C6orf89: variants seen among roughly 807,000 people sequenced by gnomAD.
C6orf89 encodes chromosome 6 open reading frame 89.
In C6orf89, 29 loss-of-function variants were observed where a neutral mutation model predicts 40.7. That is an observed-to-expected ratio of 0.71 (90% CI 0.53 to 0.97). The LOEUF is 0.97. Among genes scored for constraint, C6orf89 ranks in the 50% least tolerant of loss-of-function variants. The pLI is 0.00. For synonymous variants in C6orf89, 165 were observed against 152.2 expected (o/e 1.08, Z -0.62); for missense variants, 392 against 429.1 (o/e 0.91, Z 0.76).
intron 4 of C6orf89, among the ~76,000 whole-genome samples, chr6:36,906,816 G>A (rs1761945332): frequency 6.6e-6 from 1 of 152,190 alleles, no homozygotes; most frequent in South Asian, 2.1e-4. Flanking sequence ...AGAGCAGCCT[G>A]ATTAAATATT....
Position 36,923,815 on chromosome 6 carries a change from C to A in C6orf89, c.*374C>A. On this transcript the variant is annotated 3_prime_UTR_variant, in exon 9 of 9. Coordinates refer to ENST00000480824, the MANE Select transcript of C6orf89 (RefSeq NM_001286635.2). ...CCTTCCCTGGCAGTGGAGAGGGCAGCCAACAGGTTCTAATGTCAGAGCCAT... is the reference window on the plus strand; with the variant it reads ...CCTTCCCTGGCAGTGGAGAGGGCAGACAACAGGTTCTAATGTCAGAGCCAT... 1 of 342,754 alleles carries A rather than the reference C, an allele frequency of 2.9e-6. No individual in the cohort carries two copies. The highest frequency in any genetic ancestry group is 5.7e-6 in the Non-Finnish European group (1 of 174,890). The allele number at this position is 342,754 out of a possible 1,614,324, so 21.2% of individuals were successfully genotyped here.
upstream of C6orf89, among the ~76,000 whole-genome samples, chr6:36,885,056 G>A (rs1161516385): frequency 1.3e-5 from 2 of 152,290 alleles, no homozygotes; most frequent in East Asian, 1.9e-4. Context: ...TGACCAAAAC[G>A]GGGGAATTGT....
chr6:36,919,225 C>G (rs1304319711), intron 7 of C6orf89, among the ~76,000 whole-genome samples: 2 of 152,176 alleles, frequency 1.3e-5, no homozygotes, highest in African/African-American at 4.8e-5. Context: ...TTTTCTTTGG[C>G]TTACTTTGAA....
chr6:36,873,728 TAG>T, intron 1 of C6orf89, among the ~76,000 whole-genome samples: 2 of 151,974 alleles, frequency 1.3e-5, no homozygotes, highest in Non-Finnish European at 2.9e-5. Context: ...CATGAGCAAA[TAG>T]AGAGAGGACT....
At position 36,923,787 on chromosome 6, in the gene C6orf89, C is replaced by T. The variant is rs1015090153; in HGVS notation, c.*346C>T. 1 of 354,502 alleles carries T rather than the reference C, an allele frequency of 2.8e-6. No individual in the cohort carries two copies. The highest frequency in any genetic ancestry group is 5.5e-6 in the Non-Finnish European group (1 of 181,122). 22.0% of individuals were successfully genotyped at this position (354,502 alleles called of 1,614,324 possible). A position where few individuals can be genotyped will look rare whatever the true frequency, so the allele number is the denominator to read the frequency against. ...TGCCTTTCTTCACCTGCATGGCCAG[C>T]TTCCTTCCCTGGCAGTGGAGAGGGC... is the stretch of plus-strand genomic sequence containing the variant. On this transcript the variant is annotated 3_prime_UTR_variant, in exon 9 of 9. Coordinates refer to ENST00000480824, the MANE Select transcript of C6orf89 (RefSeq NM_001286635.2).
intron 6 of C6orf89, 35 bp from the exon 7 acceptor site, chr6:36,916,409 GT>G (rs1375648028): frequency 2.5e-6 from 4 of 1,612,396 alleles, no homozygotes; most frequent in Non-Finnish European, 2.5e-6. Flanking sequence ...GGCTTGACCA[GT>G]TTAATTACTT....
chr6:36,891,745 T>C (rs563832719), intron 1 of C6orf89, among the ~76,000 whole-genome samples: 1 of 152,358 alleles, frequency 6.6e-6, no homozygotes, highest in East Asian at 1.9e-4. Flanking sequence ...AAATTTAATT[T>C]ACTCTGGATA....
At chr6:36,874,990 A>G (rs1352114664) in intron 1 of C6orf89, 16 of 521,314 alleles carry the variant, frequency 3.1e-5, no homozygotes, top group Non-Finnish European at 3.7e-5. Context: ...GAAAATGCAA[A>G]CTTCATTCGC....
intron 2 of C6orf89, among the ~76,000 whole-genome samples, chr6:36,880,590 A>G (rs571234853): frequency 3.4e-5 from 4 of 116,138 alleles, no homozygotes; most frequent in African/African-American, 1.2e-4. Flanking sequence ...TTTAAATATT[A>G]TTGATAAAGA....
intron 4 of C6orf89, among the ~76,000 whole-genome samples, chr6:36,909,801 G>T (rs927375464): frequency 1.4e-5 from 2 of 146,440 alleles, no homozygotes; most frequent in Non-Finnish European, 3.0e-5. Flanking sequence ...AAAAAAAAAA[G>T]TTTTTTGTTA....
Position 36,905,130 on chromosome 6 carries a change from G to T in C6orf89, c.403+2696G>T, listed in dbSNP as rs552728419. 5.0e-4 allele frequency among the ~76,000 whole-genome samples: 76 copies of T among 152,196 alleles called. 2 individuals carry two copies. Among genetic ancestry groups the T allele is most frequent in the Non-Finnish European group, 1.0e-4 (7 of 68,042 alleles). On this transcript the variant is annotated intron_variant, in intron 4 of 8. Coordinates refer to ENST00000480824, the MANE Select transcript of C6orf89 (RefSeq NM_001286635.2). ...CCAGATGCCAGACCCTGTTCAGGGG[G>T]CTTTCCATATATCGGCTTATTTAAT... is the stretch of plus-strand genomic sequence containing the variant.
intron 3 of C6orf89, among the ~76,000 whole-genome samples, chr6:36,901,341 T>TTA (rs1761700636): frequency 1.1e-5 from 1 of 90,620 alleles, no homozygotes. Flanking sequence ...TTTTTTTTTT[T>TTA]TTTTTTTTTT....
chr6:36,916,567 G>C lies in C6orf89; in HGVS notation c.818G>C (p.Gly273Ala). 1 of 1,614,060 alleles carries C rather than the reference G, an allele frequency of 6.2e-7. No homozygotes were observed. The highest frequency in any genetic ancestry group is 8.5e-7 in the Non-Finnish European group (1 of 1,180,006). The change falls in exon 7 of 9, where the codon GGG becomes GCG. Residue 273 changes from glycine to alanine, a missense_variant. Gly to Ala is a moderately conservative substitution (Grantham distance 60). Coordinates refer to ENST00000480824, the MANE Select transcript of C6orf89 (RefSeq NM_001286635.2). ...CSFLHPEPVVGSKMHKMPDLF... is the reference protein window; with the variant it reads ...CSFLHPEPVVASKMHKMPDLF... ...TTTCTTCACCCAGAACCTGTTGTGG[G>C]GAGTAAGGTAGGAAATTTTGAGAGG...
Position 36,899,499 on chromosome 6 carries a change from G to C in C6orf89, c.55G>C (p.Asp19His). The part of the protein sequence containing the change: ...SIYDKLSETV[D>H]LVRQTGHQCG... ...TTATGACAAACTTTCAGAGACTGTT[G>C]ATTTGGTGAGACAGACCGGCCATCA... is the stretch of plus-strand genomic sequence containing the variant. Residue 19 changes from aspartate to histidine, a missense_variant, in exon 3 of 9, where the codon GAT (aspartate) becomes CAT (histidine). By Grantham distance (81) the Asp-to-His change is moderately conservative (BLOSUM62 -1). Coordinates refer to ENST00000480824, the MANE Select transcript of C6orf89 (RefSeq NM_001286635.2). 1 of 1,614,114 alleles carries C rather than the reference G, an allele frequency of 6.2e-7. No homozygotes were observed. Among genetic ancestry groups the C allele is most frequent in the Non-Finnish European group, 8.5e-7 (1 of 1,180,030 alleles).
At position 36,924,320 on chromosome 6, in the gene C6orf89, G is replaced by C. The variant is rs1186511325; in HGVS notation, c.*879G>C. ...AGAGTAGCTGGCCTGGGGAGAGGGT[G>C]CCTCCCTGGGTTTGATCTTTAGGGT... On this transcript the variant is annotated 3_prime_UTR_variant, in exon 9 of 9. Coordinates refer to ENST00000480824, the MANE Select transcript of C6orf89 (RefSeq NM_001286635.2). The C allele has an allele frequency of 1.3e-5, 2 of 152,436 alleles. No individual in the cohort carries two copies. The highest frequency in any genetic ancestry group is 4.1e-4 in the South Asian group (2 of 4,830). 9.4% of individuals were successfully genotyped at this position (152,436 alleles called of 1,614,324 possible).
intron 4 of C6orf89, among the ~76,000 whole-genome samples, chr6:36,905,833 GA>G (rs1761906210): frequency 6.6e-6 from 1 of 152,120 alleles, no homozygotes. Flanking sequence ...TTTTATAAAA[GA>G]GGTAACTGAG....
intron 1 of C6orf89, among the ~76,000 whole-genome samples, chr6:36,892,045 G>C (rs1003975883): frequency 2.0e-5 from 3 of 152,208 alleles, no homozygotes; most frequent in Admixed American, 6.5e-5. Context: ...GTATTGGTAA[G>C]TTCTATCAGA....
In C6orf89 at chr6:36,928,782, G is replaced by T. The variant is rs1583216265; in HGVS notation, c.*5341G>T. 1 of 152,462 alleles carries T rather than the reference G, an allele frequency of 6.6e-6. No homozygotes were observed. The highest frequency in any genetic ancestry group is 1.5e-5 in the Non-Finnish European group (1 of 68,118). 9.4% of individuals were successfully genotyped at this position (152,462 alleles called of 1,614,324 possible). A position where few individuals can be genotyped will look rare whatever the true frequency, so the allele number is the denominator to read the frequency against. On this transcript the variant is annotated 3_prime_UTR_variant, in exon 9 of 9. Transcript: ENST00000480824. ...TGGCCCTGGATGGTCCCAGGGAGCA[G>T]AGGGAGGCAGGCAGCTGTCACAGCC...
Position 36,902,421 on chromosome 6 carries a change from C to T in C6orf89, c.390C>T (p.Asp130=). 1 of 1,614,036 alleles carries T rather than the reference C, an allele frequency of 6.2e-7. No individual in the cohort carries two copies. Residue 130 remains aspartate, a synonymous_variant, in exon 4 of 9, where the codon GAC becomes GAT. Transcript: ENST00000480824. Reference sequence around the variant, plus strand: ...TTCCTCTGCATGGGGGTGATGAAGACAGACCCTTTCCAGGTAAAATGCAAC... The same window carrying T: ...TTCCTCTGCATGGGGGTGATGAAGATAGACCCTTTCCAGGTAAAATGCAAC... ...KGVPLHGGDE[D]RPFPDFDPWW...
Sources: allele counts gnomAD v4.1 joint callset (sites outside exome capture counted in the v4.1 genomes callset), GRCh38; gene constraint gnomAD v4.1.1; transcripts MANE v1.5; gene names NCBI Gene and HGNC (gene_info 2026-07-23, HGNC 2026-07-21).